The following PTPRO variants were observed in gnomAD, a reference collection of about 807,000 sequenced individuals.
PTPRO encodes the protein protein tyrosine phosphatase receptor type O, also known as receptor-type tyrosine-protein phosphatase O.
Under a neutral mutation model 145.2 loss-of-function variants are expected in PTPRO, and 62 were observed. The observed-to-expected ratio is 0.43, with a 90% CI of 0.35 to 0.53. The LOEUF (loss-of-function observed/expected upper bound fraction) is 0.53. Among genes scored for constraint, PTPRO ranks in the 20% least tolerant of loss-of-function variants. PTPRO has a pLI of 0.01. For missense variants in PTPRO, 1,345 were observed against 1,482.7 expected (o/e 0.91, Z 1.53); for synonymous variants, 565 against 514.7 (o/e 1.10, Z -1.32).
chr12:15,438,727 G>A (rs1318680458), intron 1 of PTPRO, among the ~76,000 whole-genome samples: 1 of 151,990 alleles, frequency 6.6e-6, no homozygotes, highest in Non-Finnish European at 1.5e-5. Flanking sequence ...CTAAATGTAT[G>A]AATTATTGGC....
chr12:15,513,316 T>C lies in PTPRO; in HGVS notation c.1465-2182T>C, dbSNP rs1942508261. Among the ~76,000 whole-genome samples, 5 of 151,830 alleles carry C rather than the reference T, an allele frequency of 3.3e-5. No individual in the cohort carries two copies. In the South Asian group the frequency reaches 8.4e-4, roughly 25 times the overall value. On this transcript the variant is annotated intron_variant, in intron 7 of 26. Transcript: ENST00000281171. ...GGAAGGAAGGAAGGGAAACTCTCTA[T>C]CAGATGAAGAGATATAGTTGACTAA... is the stretch of plus-strand genomic sequence containing the variant.
chr12:15,371,641 G>C (rs1199352600), intron 1 of PTPRO, among the ~76,000 whole-genome samples: 1 of 152,102 alleles, frequency 6.6e-6, no homozygotes, highest in Non-Finnish European at 1.5e-5. Flanking sequence ...ATTTTATTAC[G>C]TGTATATACA....
chr12:15,410,713 A>G (rs926361572), intron 1 of PTPRO: 2 of 152,240 alleles, frequency 1.3e-5, no homozygotes, highest in African/African-American at 2.4e-5. Flanking sequence ...GTGACAGAGA[A>G]TGCTTTAGTC....
chr12:15,418,320 A>C (rs1301168425), intron 1 of PTPRO, among the ~76,000 whole-genome samples: 1 of 151,708 alleles, frequency 6.6e-6, no homozygotes, highest in Non-Finnish European at 1.5e-5. Flanking sequence ...TTAACTCCAT[A>C]ATTTCTCTGG....
At chr12:15,589,970 A>G (rs1464950186) in intron 25 of PTPRO, among the ~76,000 whole-genome samples, 2 of 152,130 alleles carry the variant, frequency 1.3e-5, no homozygotes, top group Non-Finnish European at 2.9e-5. Flanking sequence ...GATTCAATAC[A>G]TTTGTCATTA....
At chr12:15,348,529 C>G (rs985655918) in intron 1 of PTPRO, 1 of 152,048 alleles carries the variant, frequency 6.6e-6, no homozygotes, top group East Asian at 1.9e-4. Context: ...GAGGCCGAGG[C>G]GGGCGGATCA....
intron 1 of PTPRO, among the ~76,000 whole-genome samples, chr12:15,478,252 A>G (rs1941701386): frequency 6.6e-6 from 1 of 152,218 alleles, no homozygotes; most frequent in South Asian, 2.1e-4. Flanking sequence ...CAGAAAGTAT[A>G]GTAAGGGAAA....
chr12:15,495,426 C>G (rs368969265), intron 2 of PTPRO, among the ~76,000 whole-genome samples: 100 of 149,602 alleles, frequency 6.7e-4, no homozygotes, highest in Middle Eastern at 3.5e-3. Flanking sequence ...TGAACTAAGT[C>G]AAATTTGGAG....
intron 1 of PTPRO, among the ~76,000 whole-genome samples, chr12:15,408,468 G>A (rs913254418): frequency 3.9e-5 from 6 of 151,954 alleles, no homozygotes; most frequent in Non-Finnish European, 7.4e-5. Flanking sequence ...TCACTTTGTC[G>A]CCCAGGCTGG....
At chr12:15,365,559 G>A (rs1208867716) in intron 1 of PTPRO, among the ~76,000 whole-genome samples, 4 of 151,938 alleles carry the variant, frequency 2.6e-5, no homozygotes. Context: ...TTTTATGTAG[G>A]CCCAGTCTCT....
intron 1 of PTPRO, chr12:15,439,546 G>C (rs74907642): frequency 0.019 from 4,729 of 246,908 alleles, 247 homozygotes; most frequent in African/African-American, 0.1. Flanking sequence ...GACGCTGGTG[G>C]AGCGAGGGGG....
chr12:15,451,206 AC>A (rs1263375256), intron 1 of PTPRO, among the ~76,000 whole-genome samples: 1 of 152,132 alleles, frequency 6.6e-6, no homozygotes, highest in Admixed American at 6.5e-5. Flanking sequence ...GACAAAGCAA[AC>A]TTTAAAGCAA....
At chr12:15,399,856 A>G (rs1450065749) in intron 1 of PTPRO, among the ~76,000 whole-genome samples, 3 of 151,274 alleles carry the variant, frequency 2.0e-5, no homozygotes, top group African/African-American at 7.3e-5. Context: ...TTCGAGACCA[A>G]CCTGGCCAAC....
intron 22 of PTPRO, 146 bp downstream of exon 22, chr12:15,580,977 T>A: frequency 8.5e-7 from 1 of 1,182,308 alleles, no homozygotes; most frequent in Non-Finnish European, 1.2e-6. Context: ...AAGCAAGAAT[T>A]AGAATTTGGG....
intron 8 of PTPRO, among the ~76,000 whole-genome samples, chr12:15,516,453 G>C (rs1942592304): frequency 8.2e-6 from 1 of 121,370 alleles, no homozygotes; most frequent in Non-Finnish European, 1.8e-5. Context: ...AGAAAGAAGA[G>C]AGTGAGAAAG....
intron 23 of PTPRO, among the ~76,000 whole-genome samples, chr12:15,586,378 A>G (rs1360864127): frequency 1.3e-5 from 2 of 152,090 alleles, no homozygotes; most frequent in Middle Eastern, 3.2e-3. Context: ...GGATTTTTGT[A>G]CCCCACAATT....
chr12:15,399,995 G>A (rs1241215876), intron 1 of PTPRO, among the ~76,000 whole-genome samples: 1 of 144,816 alleles, frequency 6.9e-6, no homozygotes, highest in Non-Finnish European at 1.5e-5. Context: ...AGGTTGCAGT[G>A]AGCCCAGATT....
chr12:15,343,966 G>A (rs1239727341), intron 1 of PTPRO, among the ~76,000 whole-genome samples: 2 of 152,198 alleles, frequency 1.3e-5, no homozygotes, highest in Non-Finnish European at 2.9e-5. Flanking sequence ...TTACAGGCGT[G>A]AGCCACCGCG....
At chr12:15,370,520 T>A (rs1938494485) in intron 1 of PTPRO, among the ~76,000 whole-genome samples, 1 of 152,194 alleles carries the variant, frequency 6.6e-6, no homozygotes, top group South Asian at 2.1e-4. Context: ...AGGCATAGAA[T>A]TTTAATCTCC....
Sources: allele counts gnomAD v4.1 joint callset (sites outside exome capture counted in the v4.1 genomes callset), GRCh38; gene constraint gnomAD v4.1.1; transcripts MANE v1.5; gene names NCBI Gene and HGNC (gene_info 2026-07-23, HGNC 2026-07-21).